Variants in STXBP6 observed in about 807,000 individuals in gnomAD.
The protein encoded by STXBP6 is syntaxin binding protein 6, also known as syntaxin-binding protein 6.
Under a neutral mutation model 26.9 loss-of-function variants are expected in STXBP6, and 21 were observed. That is an observed-to-expected ratio of 0.78 (90% CI 0.55 to 1.12). STXBP6 has a LOEUF of 1.12. STXBP6 is among the 50% of genes most tolerant of loss of function. The pLI, the probability that STXBP6 is intolerant of heterozygous loss-of-function variation, is 0.00. For missense variants in STXBP6, 232 were observed against 257.9 expected (o/e 0.90, Z 0.69); for synonymous variants, 97 against 92.6 (o/e 1.05, Z -0.27).
chr14:25,047,099 T>C (rs1209637750), intron 1 of STXBP6, among the ~76,000 whole-genome samples: 1 of 152,246 alleles, frequency 6.6e-6, no homozygotes. Flanking sequence ...TGATCTATTC[T>C]GTCCTCCAAC....
chr14:24,954,612 A>G (rs954039928), intron 2 of STXBP6, among the ~76,000 whole-genome samples: 1 of 152,202 alleles, frequency 6.6e-6, no homozygotes, highest in African/African-American at 2.4e-5. Flanking sequence ...CAGATGTGGA[A>G]CAAGCATGTG....
intron 2 of STXBP6, among the ~76,000 whole-genome samples, chr14:24,947,112 T>A (rs1339728277): frequency 6.6e-6 from 1 of 151,992 alleles, no homozygotes; most frequent in Admixed American, 6.6e-5. Context: ...TCGGTAAAAG[T>A]CTCCCCAAAT....
intron 2 of STXBP6, among the ~76,000 whole-genome samples, chr14:24,932,009 G>A (rs1398000871): frequency 6.6e-6 from 1 of 152,182 alleles, no homozygotes; most frequent in East Asian, 1.9e-4. Flanking sequence ...TAAAGGGTAA[G>A]AGAGAAGACA....
intron 1 of STXBP6, among the ~76,000 whole-genome samples, chr14:24,979,332 T>C (rs115832538): frequency 6.2e-4 from 95 of 152,356 alleles, no homozygotes; most frequent in African/African-American, 2.2e-3. Flanking sequence ...CTAGTTAATG[T>C]GTCTCAACAC....
rs569840595 is a variant in STXBP6, at chr14:24,993,852, T to G, written c.-32-19002A>C. The stretch of plus-strand genomic sequence containing the variant: ...AGTCTGAGTACCAGCAAGAAGGCAA[T>G]CCTCCCCCAGAGATCCAAGTACCTC... On this transcript the variant is annotated intron_variant, in intron 1 of 5. Transcript: ENST00000323944. 1.1e-4 allele frequency among the ~76,000 whole-genome samples: 17 copies of G among 152,184 alleles called. No homozygotes were observed. The East Asian group carries it at 3.3e-3, about 29-fold the overall frequency.
At chr14:24,931,393 A>G (rs2072401549) in intron 2 of STXBP6, among the ~76,000 whole-genome samples, 2 of 152,164 alleles carry the variant, frequency 1.3e-5, no homozygotes, top group Non-Finnish European at 2.9e-5. Flanking sequence ...AAGAAAAAAA[A>G]GTAATTAAAA....
At chr14:24,966,057 A>C (rs2073723191) in intron 2 of STXBP6, among the ~76,000 whole-genome samples, 1 of 152,186 alleles carries the variant, frequency 6.6e-6, no homozygotes, top group Non-Finnish European at 1.5e-5. Flanking sequence ...ATCAAAACGA[A>C]CATAAGTGAG....
At chr14:24,890,434 T>C (rs776767166) in intron 2 of STXBP6, among the ~76,000 whole-genome samples, 16 of 152,016 alleles carry the variant, frequency 1.1e-4, no homozygotes, top group Non-Finnish European at 2.2e-4. Context: ...AAGATGCACA[T>C]AGAAAACACG....
intron 1 of STXBP6, among the ~76,000 whole-genome samples, chr14:25,033,197 G>A (rs1425995844): frequency 1.3e-5 from 2 of 152,174 alleles, no homozygotes; most frequent in Admixed American, 6.5e-5. Flanking sequence ...GCTAGAGACT[G>A]AAGAGCCAAC....
chr14:24,984,664 C>A (rs2074288267), intron 1 of STXBP6, among the ~76,000 whole-genome samples: 1 of 152,186 alleles, frequency 6.6e-6, no homozygotes, highest in South Asian at 2.1e-4. Flanking sequence ...GCTTCCTTCT[C>A]AGCCTCCAAA....
chr14:24,881,102 G>A (rs1256030498), intron 2 of STXBP6, among the ~76,000 whole-genome samples: 1 of 151,968 alleles, frequency 6.6e-6, no homozygotes, highest in Non-Finnish European at 1.5e-5. Context: ...GAGCTGTCCA[G>A]AGGTTTGATC....
intron 1 of STXBP6, among the ~76,000 whole-genome samples, chr14:25,013,222 C>T (rs1394377532): frequency 6.6e-6 from 1 of 152,084 alleles, no homozygotes; most frequent in Non-Finnish European, 1.5e-5. Context: ...TCTCTGGATG[C>T]TAGGGAGCCA....
At chr14:24,901,624 A>G (rs1383803246) in intron 2 of STXBP6, among the ~76,000 whole-genome samples, 1 of 152,216 alleles carries the variant, frequency 6.6e-6, no homozygotes, top group Admixed American at 6.5e-5. Flanking sequence ...CCAAATGTAC[A>G]TCAACAAGAG....
chr14:25,049,572 G>A lies in STXBP6; in HGVS notation c.-33+306C>T. The A allele has an allele frequency of 1.0e-6, 1 of 985,434 alleles. No homozygotes were observed. Among genetic ancestry groups the A allele is most frequent in the South Asian group, 4.7e-5 (1 of 21,288 alleles). 61.0% of individuals were successfully genotyped at this position (985,434 alleles called of 1,614,324 possible). A position where few individuals can be genotyped will look rare whatever the true frequency, so the allele number is the denominator to read the frequency against. On this transcript the variant is annotated intron_variant, in intron 1 of 5. Transcript: ENST00000323944. This position sits in a 1 kb window ranked among gnomAD's most constrained non-coding sequence, Gnocchi z 5.6. ...AAAAGGCTCCATCCTCAACTTTCTC[G>A]GAGGAAATCGCTCCGTTCTGCGGCT...
At chr14:25,033,611 T>C (rs1303260985) in intron 1 of STXBP6, among the ~76,000 whole-genome samples, 1 of 152,128 alleles carries the variant, frequency 6.6e-6, no homozygotes, top group Non-Finnish European at 1.5e-5. Context: ...ACCTCCATAA[T>C]GCCATCTCCC....
At chr14:24,822,125 A>C (rs2138782081) in intron 4 of STXBP6, among the ~76,000 whole-genome samples, 1 of 152,232 alleles carries the variant, frequency 6.6e-6, no homozygotes, top group Admixed American at 6.5e-5. Context: ...AAGTCATCTT[A>C]AGTTCAGTAA....
chr14:25,043,888 A>G (rs2075681919), intron 1 of STXBP6, among the ~76,000 whole-genome samples: 1 of 152,158 alleles, frequency 6.6e-6, no homozygotes, highest in Non-Finnish European at 1.5e-5. Context: ...TATTAAGAAT[A>G]AGGCTGCTGG....
chr14:24,968,207 C>T (rs1203286530), intron 2 of STXBP6, among the ~76,000 whole-genome samples: 1 of 143,972 alleles, frequency 6.9e-6, no homozygotes, highest in Non-Finnish European at 1.5e-5. Context: ...ATTGCAGTTG[C>T]TTTGCAGTTC....
intron 1 of STXBP6, among the ~76,000 whole-genome samples, chr14:25,041,664 GCA>G (rs1566581349): frequency 6.6e-6 from 1 of 152,178 alleles, no homozygotes; most frequent in Non-Finnish European, 1.5e-5. Context: ...CTAGACTGCA[GCA>G]CACATATTCA....
Sources: gnomAD v4.1 joint callset for allele counts (sites outside exome capture counted in the v4.1 genomes callset) on GRCh38, gnomAD v4.1.1 for gene constraint, Gnocchi (gnomAD v3.1) non-coding constraint, MANE v1.5 for transcripts, NCBI Gene and HGNC (gene_info 2026-07-23, HGNC 2026-07-21) for gene names.